TRIM44: variants seen among roughly 807,000 people sequenced by gnomAD.
TRIM44 encodes tripartite motif containing 44, also known as tripartite motif-containing protein 44.
A neutral mutation model predicts 37.4 loss-of-function variants in TRIM44; 13 were observed. The ratio of observed to expected loss-of-function variants is 0.35; its 90% CI spans 0.23 to 0.55. The LOEUF is 0.55. Ranked by LOEUF, TRIM44 falls within the 20% of genes least tolerant of loss-of-function variation. The probability of loss-of-function intolerance (pLI) is 0.89; values close to 1 mark genes in which losing one functional copy is unlikely to be tolerated. For synonymous variants in TRIM44, 175 were observed against 157.2 expected (o/e 1.11, Z -0.85); for missense variants, 426 against 437.2 (o/e 0.97, Z 0.23).
rs1210694546 is a variant in TRIM44 at position 35,817,541 on chromosome 11, T to G, written c.*11156T>G. ...TTTTTTCTCTCCGTGTGTGTTAGCA[T>G]TTGTGTGTGTCTGTGGGTGTGTATG... On this transcript the variant is annotated 3_prime_UTR_variant, in exon 5 of 5. Transcript: ENST00000299413. 2.6e-5 allele frequency: 4 copies of G among 152,178 alleles called. No individual in the cohort carries two copies. Among genetic ancestry groups the G allele is most frequent in the Non-Finnish European group, 5.9e-5 (4 of 68,032 alleles). 9.4% of individuals were successfully genotyped at this position (152,178 alleles called of 1,614,324 possible). A position where few individuals can be genotyped will look rare whatever the true frequency, so the allele number is the denominator to read the frequency against.
intron 1 of TRIM44, among the ~76,000 whole-genome samples, chr11:35,667,179 A>C (rs1167261989): frequency 6.6e-6 from 1 of 152,170 alleles, no homozygotes; most frequent in Non-Finnish European, 1.5e-5. Flanking sequence ...CTGAATTTTG[A>C]TTGGTTATTT....
intron 2 of TRIM44, among the ~76,000 whole-genome samples, chr11:35,706,159 T>C (rs910456996): frequency 6.7e-6 from 1 of 149,018 alleles, no homozygotes; most frequent in African/African-American, 2.4e-5. Context: ...TTAGAAAATC[T>C]AGAAGAAATG....
chr11:35,748,602 A>G (rs1054353256), intron 4 of TRIM44, among the ~76,000 whole-genome samples: 1 of 152,272 alleles, frequency 6.6e-6, no homozygotes, highest in African/African-American at 2.4e-5. Context: ...ATACTATTCT[A>G]TAGAGAAATC....
intron 4 of TRIM44, among the ~76,000 whole-genome samples, chr11:35,752,348 C>T (rs1398097011): frequency 6.6e-6 from 1 of 152,038 alleles, no homozygotes; most frequent in Non-Finnish European, 1.5e-5. Flanking sequence ...AGACCTCCCC[C>T]GACCCCCACT....
At chr11:35,780,429 C>G (rs531641219) in intron 4 of TRIM44, among the ~76,000 whole-genome samples, 10 of 152,208 alleles carry the variant, frequency 6.6e-5, no homozygotes, top group African/African-American at 2.4e-4. Context: ...AGATTATCTC[C>G]CTGAAGAATT....
intron 2 of TRIM44, among the ~76,000 whole-genome samples, chr11:35,711,460 G>A (rs1422339175): frequency 7.7e-6 from 1 of 130,102 alleles, no homozygotes; most frequent in Non-Finnish European, 1.6e-5. Flanking sequence ...TCATTTCTCA[G>A]ATTTTTTGTT....
At chr11:35,720,087 A>G (rs1419746626) in intron 2 of TRIM44, among the ~76,000 whole-genome samples, 3 of 152,184 alleles carry the variant, frequency 2.0e-5, no homozygotes, top group African/African-American at 7.2e-5. Context: ...ACTTGCTAGG[A>G]TTTTGATTGG....
chr11:35,733,690 G>T (rs1745982570), intron 3 of TRIM44, among the ~76,000 whole-genome samples: 1 of 151,936 alleles, frequency 6.6e-6, no homozygotes, highest in Non-Finnish European at 1.5e-5. Context: ...TCACCTTTCT[G>T]GCTGCAGCTG....
At position 35,796,030 on chromosome 11, in the gene TRIM44, C is replaced by A. The variant is rs78949936; in HGVS notation, c.1008-10328C>A. ...TACGAACACCGACCTCAAAATCACA[C>A]AGCTAGTAAGTGGCAGAGCTGTGAT... is the stretch of plus-strand genomic sequence containing the variant. On this transcript the variant is annotated intron_variant, in intron 4 of 4. Transcript: ENST00000299413. 4.8e-4 allele frequency among the ~76,000 whole-genome samples: 73 copies of A among 152,290 alleles called. No individual in the cohort carries two copies. In the East Asian group the frequency reaches 0.014, roughly 29 times the overall value.
chr11:35,752,128 C>T (rs567449978), intron 4 of TRIM44, among the ~76,000 whole-genome samples: 36 of 151,920 alleles, frequency 2.4e-4, no homozygotes, highest in Admixed American at 2.0e-3. Flanking sequence ...GGCCAGTAGC[C>T]GAGGAATTAT....
chr11:35,736,935 A>G (rs1235838022), intron 4 of TRIM44, among the ~76,000 whole-genome samples: 1 of 152,110 alleles, frequency 6.6e-6, no homozygotes, highest in Non-Finnish European at 1.5e-5. Context: ...TGGGTATATC[A>G]TGGTGACTAA....
At position 35,813,542 on chromosome 11, in the gene TRIM44, C is replaced by T. The variant is rs1261509672; in HGVS notation, c.*7157C>T. Reference sequence around the variant, plus strand: ...AAACAAGAAGGAAAAAGGAGGACAGCAATAGAGAAAATGGAAATTTTGAGT... The same window carrying T: ...AAACAAGAAGGAAAAAGGAGGACAGTAATAGAGAAAATGGAAATTTTGAGT... On this transcript the variant is annotated 3_prime_UTR_variant, in exon 5 of 5. Coordinates refer to ENST00000299413, the MANE Select transcript of TRIM44 (RefSeq NM_017583.6). 6.6e-6 allele frequency: 1 copy of T among 151,914 alleles called. No individual in the cohort carries two copies. The highest frequency in any genetic ancestry group is 1.5e-5 in the Non-Finnish European group (1 of 67,986). 9.4% of individuals were successfully genotyped at this position (151,914 alleles called of 1,614,324 possible).
chr11:35,772,794 A>T (rs1021620874), intron 4 of TRIM44, among the ~76,000 whole-genome samples: 1 of 152,200 alleles, frequency 6.6e-6, no homozygotes, highest in Non-Finnish European at 1.5e-5. Flanking sequence ...CTTGTCTCAG[A>T]TAAGACTTTG....
intron 4 of TRIM44, among the ~76,000 whole-genome samples, chr11:35,801,946 T>G (rs1010343956): frequency 1.3e-5 from 2 of 152,220 alleles, no homozygotes; most frequent in African/African-American, 4.8e-5. Flanking sequence ...GAAATCATAG[T>G]ATCAAGTGTA....
At chr11:35,764,668 C>T (rs529593583) in intron 4 of TRIM44, among the ~76,000 whole-genome samples, 1 of 152,282 alleles carries the variant, frequency 6.6e-6, no homozygotes, top group African/African-American at 2.4e-5. Context: ...CCAGCTTTGC[C>T]AGTAGGAGAG....
At chr11:35,806,271 C>T in intron 4 of TRIM44, 87 bp from the exon 5 acceptor site, 1 of 1,433,248 alleles carries the variant, frequency 7.0e-7, no homozygotes, top group Non-Finnish European at 9.8e-7. Flanking sequence ...GTATGTCTGA[C>T]ATAAAGTCTG....
At chr11:35,787,791 A>T (rs777300796) in intron 4 of TRIM44, among the ~76,000 whole-genome samples, 3 of 152,178 alleles carry the variant, frequency 2.0e-5, no homozygotes, top group Non-Finnish European at 2.9e-5. Context: ...CCTTGTGCCC[A>T]ATCTTTTGTG....
At chr11:35,755,397 G>A (rs1852623186) in intron 4 of TRIM44, among the ~76,000 whole-genome samples, 1 of 152,118 alleles carries the variant, frequency 6.6e-6, no homozygotes, top group Admixed American at 6.5e-5. Flanking sequence ...GTAGATTCTG[G>A]ATATTAGCCC....
chr11:35,782,655 T>C (rs1052041288), intron 4 of TRIM44, among the ~76,000 whole-genome samples: 13 of 152,128 alleles, frequency 8.5e-5, no homozygotes, highest in African/African-American at 2.9e-4. Context: ...ACCATGTCTC[T>C]ATTAATCAGG....
Sources: allele counts gnomAD v4.1 joint callset (sites outside exome capture counted in the v4.1 genomes callset), GRCh38; gene constraint gnomAD v4.1.1; transcripts MANE v1.5; gene names NCBI Gene and HGNC (gene_info 2026-07-23, HGNC 2026-07-21).